RAPGEF2: variants seen among roughly 807,000 people sequenced by gnomAD.
RAPGEF2 encodes PDZ domain containing guanine nucleotide exchange factor (GEF) 1.
Under a neutral mutation model 186.7 loss-of-function variants are expected in RAPGEF2, and 54 were observed. The observed-to-expected ratio is 0.29, with a 90% CI of 0.23 to 0.36. The LOEUF (loss-of-function observed/expected upper bound fraction) is 0.36. RAPGEF2 is among the 10% of genes least tolerant of loss of function. The probability of loss-of-function intolerance (pLI) is 1.00; values close to 1 mark genes in which losing one functional copy is unlikely to be tolerated. For missense variants in RAPGEF2, 1,532 were observed against 2,045.0 expected, an observed-to-expected ratio of 0.75 and a Z score of 4.84; for synonymous variants, 712 against 705.9, an observed-to-expected ratio of 1.01 and a Z score of -0.14.
intron 6 of RAPGEF2, among the ~76,000 whole-genome samples, 196 bp from the exon 7 acceptor site, chr4:159,243,578 T>G (rs1235453066): frequency 6.6e-6 from 1 of 151,986 alleles, no homozygotes; most frequent in African/African-American, 2.4e-5. Flanking sequence ...CACAGGTGAT[T>G]TAAAGTCATT....
intron 8 of RAPGEF2, among the ~76,000 whole-genome samples, chr4:159,306,595 T>C (rs532346426): frequency 1.3e-5 from 2 of 152,256 alleles, no homozygotes; most frequent in Non-Finnish European, 2.9e-5. Flanking sequence ...TAATTTCACT[T>C]CCACTTTTCC....
intron 7 of RAPGEF2, chr4:159,267,791 CTTTTTTT>C (rs200359653): frequency 3.4e-4 from 312 of 915,506 alleles, no homozygotes; most frequent in Non-Finnish European, 3.7e-4. Context: ...TAGCTTTTTT[CTTTTTTT>C]TTTTTTTTTC....
chr4:159,133,335 G>A (rs763223368), intron 1 of RAPGEF2, among the ~76,000 whole-genome samples: 23 of 151,866 alleles, frequency 1.5e-4, no homozygotes, highest in Non-Finnish European at 2.6e-4. Flanking sequence ...CATTGTATTA[G>A]TGCATTTCTT....
At chr4:159,348,828 C>T (rs1730770180) in intron 25 of RAPGEF2, among the ~76,000 whole-genome samples, 2 of 151,984 alleles carry the variant, frequency 1.3e-5, no homozygotes, top group South Asian at 4.1e-4. Flanking sequence ...TATATGTTGT[C>T]TTATATTTAT....
chr4:159,140,624 G>A (rs1448720222), intron 1 of RAPGEF2, among the ~76,000 whole-genome samples: 2 of 152,118 alleles, frequency 1.3e-5, no homozygotes, highest in South Asian at 4.1e-4. Flanking sequence ...ATTACCGGGG[G>A]ATCAAGATGA....
chr4:159,150,080 T>C (rs1743373843), intron 1 of RAPGEF2, among the ~76,000 whole-genome samples: 1 of 152,128 alleles, frequency 6.6e-6, no homozygotes, highest in Non-Finnish European at 1.5e-5. Context: ...TTTATATTGT[T>C]ATTAGCAGTA....
intron 26 of RAPGEF2, among the ~76,000 whole-genome samples, chr4:159,351,599 C>G (rs1036594068): frequency 3.3e-5 from 5 of 151,744 alleles, no homozygotes; most frequent in African/African-American, 1.2e-4. Context: ...GTAATGTAGA[C>G]AAGAAAAAAT....
chr4:159,215,538 A>G (rs1418374986), intron 4 of RAPGEF2, among the ~76,000 whole-genome samples: 1 of 152,220 alleles, frequency 6.6e-6, no homozygotes, highest in Non-Finnish European at 1.5e-5. Flanking sequence ...TATGTTGGTC[A>G]CAGTCTTAAA....
At chr4:159,235,743 A>C (rs1753182270) in intron 4 of RAPGEF2, among the ~76,000 whole-genome samples, 2 of 152,228 alleles carry the variant, frequency 1.3e-5, no homozygotes, top group Non-Finnish European at 2.9e-5. Context: ...AAGATTTTTG[A>C]AAATGTAGTA....
At chr4:159,140,065 A>G (rs1742148138) in intron 1 of RAPGEF2, among the ~76,000 whole-genome samples, 1 of 152,236 alleles carries the variant, frequency 6.6e-6, no homozygotes, top group African/African-American at 2.4e-5. Context: ...TACTGCTATG[A>G]GTGATAAATT....
intron 1 of RAPGEF2, among the ~76,000 whole-genome samples, chr4:159,122,068 G>A (rs1018859203): frequency 6.9e-6 from 1 of 145,328 alleles, no homozygotes; most frequent in African/African-American, 2.6e-5. Context: ...AAAAATACAG[G>A]TTATGGAAAA....
rs143811747 is a variant in RAPGEF2, at chr4:159,217,404, A to G, written c.281+6821A>G. Among the ~76,000 whole-genome samples the G allele has an allele frequency of 1.2e-4, 18 of 152,264 alleles. No homozygotes were observed. In the East Asian group the frequency reaches 2.9e-3, roughly 25 times the overall value. ...AGTACCTAACGTTTAGCTCCCACTT[A>G]TAAGTGAGAACATGTGATACTTGGT... On this transcript the variant is annotated intron_variant, in intron 4 of 29. Coordinates refer to ENST00000691494, the MANE Select transcript of RAPGEF2 (RefSeq NM_001394067.2).
intron 7 of RAPGEF2, among the ~76,000 whole-genome samples, chr4:159,247,929 A>C (rs1754845413): frequency 1.3e-5 from 2 of 151,318 alleles, no homozygotes; most frequent in South Asian, 4.2e-4. Flanking sequence ...GGCCTGGCTA[A>C]TTTTGTATTT....
intron 7 of RAPGEF2, among the ~76,000 whole-genome samples, chr4:159,298,927 A>G (rs548349428): frequency 1.2e-3 from 180 of 152,336 alleles, no homozygotes; most frequent in African/African-American, 4.3e-3. Flanking sequence ...AGTCCTCACA[A>G]CACAGGCTTT....
chr4:159,326,553 T>G (rs1334564272), intron 11 of RAPGEF2: 1 of 152,220 alleles, frequency 6.6e-6, no homozygotes, highest in East Asian at 1.9e-4. Context: ...TTAAGATTTA[T>G]TTGTTTGGAT....
intron 25 of RAPGEF2, among the ~76,000 whole-genome samples, chr4:159,348,549 CACAA>C (rs1314767078): frequency 2.0e-5 from 3 of 152,128 alleles, no homozygotes; most frequent in Non-Finnish European, 4.4e-5. Flanking sequence ...ATCCTCTCAT[CACAA>C]ACACATTGAA....
intron 1 of RAPGEF2, among the ~76,000 whole-genome samples, chr4:159,164,246 C>T (rs1423531999): frequency 7.3e-5 from 11 of 151,620 alleles, no homozygotes; most frequent in South Asian, 6.2e-4. Context: ...CCTTGTGATC[C>T]GCCCGCCTCA....
intron 7 of RAPGEF2, 143 bp downstream of exon 7, chr4:159,243,934 A>C (rs989515032): frequency 7.1e-6 from 4 of 565,614 alleles, no homozygotes; most frequent in Non-Finnish European, 1.2e-5. Context: ...TGAAATTATC[A>C]GTGGTTTGGG....
At chr4:159,218,413 A>G (rs1318335367) in intron 4 of RAPGEF2, among the ~76,000 whole-genome samples, 1 of 152,218 alleles carries the variant, frequency 6.6e-6, no homozygotes, top group East Asian at 1.9e-4. Context: ...ATAGGATTAA[A>G]TGAGGCAATA....
Sources: allele counts gnomAD v4.1 joint callset (sites outside exome capture counted in the v4.1 genomes callset), GRCh38; gene constraint gnomAD v4.1.1; transcripts MANE v1.5; gene names NCBI Gene and HGNC (gene_info 2026-07-23, HGNC 2026-07-21).